The following SH3BP5 variants were observed in gnomAD, a reference collection of about 807,000 sequenced individuals.
SH3BP5 encodes SH3 domain-binding protein 5.
Under a neutral mutation model 43.3 loss-of-function variants are expected in SH3BP5, and 22 were observed. The ratio of observed to expected loss-of-function variants is 0.51; its 90% CI spans 0.36 to 0.73. SH3BP5 has a LOEUF of 0.73. Among genes scored for constraint, SH3BP5 ranks in the 30% least tolerant of loss-of-function variants. The pLI, the probability that SH3BP5 is intolerant of heterozygous loss-of-function variation, is 0.00. For synonymous variants in SH3BP5, 255 were observed against 225.8 expected (o/e 1.13, Z -1.16); for missense variants, 529 against 586.9 (o/e 0.90, Z 1.02).
At chr3:15,334,445 T>C (rs1340861070), upstream of SH3BP5, among the ~76,000 whole-genome samples, 1 of 152,020 alleles carries the variant, frequency 6.6e-6, no homozygotes, top group African/African-American at 2.4e-5. Context: ...TAAAAATACA[T>C]GGCCAGGAGT....
intron 2 of SH3BP5, among the ~76,000 whole-genome samples, chr3:15,317,945 G>T (rs1456718700): frequency 2.0e-5 from 3 of 152,152 alleles, no homozygotes; most frequent in Non-Finnish European, 4.4e-5. Context: ...AGCCTCAGTG[G>T]GGGTCTCAGA....
chr3:15,294,088 AAAAAAAAG>A (rs1177201086), intron 3 of SH3BP5, among the ~76,000 whole-genome samples: 4 of 151,612 alleles, frequency 2.6e-5, no homozygotes, highest in Non-Finnish European at 5.9e-5. Flanking sequence ...AAAAAAAAAA[AAAAAAAAG>A]AAAAGAAACA....
intron 3 of SH3BP5, among the ~76,000 whole-genome samples, chr3:15,294,094 AAG>A (rs1470829868): frequency 4.6e-5 from 7 of 151,362 alleles, no homozygotes; most frequent in Non-Finnish European, 7.4e-5. Flanking sequence ...AAAAAAAAAA[AAG>A]AAAAGAAACA....
At chr3:15,340,622 G>A (rs1698754073) in intron 1 of SH3BP5, among the ~76,000 whole-genome samples, 3 of 151,974 alleles carry the variant, frequency 2.0e-5, no homozygotes, top group Admixed American at 2.0e-4. Context: ...GTGGTGGCAG[G>A]CACCTGTAAT....
At chr3:15,322,868 G>A (rs1397903806) in intron 2 of SH3BP5, among the ~76,000 whole-genome samples, 1 of 152,046 alleles carries the variant, frequency 6.6e-6, no homozygotes, top group Non-Finnish European at 1.5e-5. Context: ...GAGGCCGGGC[G>A]CAGTAGCTCA....
rs775453920 is a variant in SH3BP5, at chr3:15,256,859, C to G, written c.1144G>C (p.Glu382Gln). The G allele has an allele frequency of 8.7e-6, 14 of 1,609,688 alleles. No individual in the cohort carries two copies. In the East Asian group the frequency reaches 2.9e-4, roughly 33 times the overall value. The change falls in exon 8 of 9, where the codon GAA becomes CAA. Residue 382 changes from glutamate to glutamine, a missense_variant. Glu to Gln is a conservative substitution (Grantham distance 29). Around this residue, in one of 3 missense-constraint regions of SH3BP5, gnomAD observed 369 missense variants for 384.3 expected, o/e 0.96. Transcript: ENST00000383791. ...SGASSPECEV[E>Q]RGDRAEGAEN... ...TGAGAAGGCTGCTACTCACCTCGTT[C>G]TACTTCACATTCAGGGGAGGAGGCC...
intron 3 of SH3BP5, among the ~76,000 whole-genome samples, chr3:15,274,072 C>T (rs980383986): frequency 4.6e-5 from 7 of 151,926 alleles, no homozygotes; most frequent in Admixed American, 1.3e-4. Flanking sequence ...GGTGAAACAC[C>T]GTCTCTACTA....
chr3:15,298,509 G>C (rs1473940880), intron 3 of SH3BP5, among the ~76,000 whole-genome samples: 1 of 152,154 alleles, frequency 6.6e-6, no homozygotes, highest in Non-Finnish European at 1.5e-5. Flanking sequence ...TGCCCATCAA[G>C]TTTGCAAAGT....
intron 3 of SH3BP5, among the ~76,000 whole-genome samples, chr3:15,287,383 C>T (rs1055808141): frequency 2.0e-5 from 3 of 152,058 alleles, no homozygotes; most frequent in East Asian, 3.8e-4. Context: ...GACAAAAAGC[C>T]GAGGGAGCGG....
intron 3 of SH3BP5, among the ~76,000 whole-genome samples, chr3:15,286,165 T>C (rs1697260127): frequency 6.6e-6 from 1 of 152,222 alleles, no homozygotes; most frequent in Non-Finnish European, 1.5e-5. Context: ...ACACAGCTAG[T>C]GGCCCCTCTG....
At chr3:15,308,475 T>A (rs1218014163) in intron 2 of SH3BP5, among the ~76,000 whole-genome samples, 1 of 152,160 alleles carries the variant, frequency 6.6e-6, no homozygotes, top group East Asian at 1.9e-4. Flanking sequence ...CTTACACACG[T>A]TGAGCAACAG....
chr3:15,305,130 AT>A (rs770900122), intron 2 of SH3BP5, among the ~76,000 whole-genome samples: 92 of 145,406 alleles, frequency 6.3e-4, no homozygotes, highest in African/African-American at 2.2e-3. Flanking sequence ...AAAAAAAAAA[AT>A]TAATTCATTA....
At chr3:15,280,667 C>A (rs140963644) in intron 3 of SH3BP5, among the ~76,000 whole-genome samples, 6 of 152,174 alleles carry the variant, frequency 3.9e-5, no homozygotes, top group African/African-American at 1.2e-4. Flanking sequence ...AAAACACACA[C>A]GCAACATGCC....
intron 2 of SH3BP5, among the ~76,000 whole-genome samples, chr3:15,317,230 A>T (rs1698207700): frequency 6.6e-6 from 1 of 152,228 alleles, no homozygotes; most frequent in Non-Finnish European, 1.5e-5. Context: ...CACAAGTCTT[A>T]GAATCAGGGC....
intron 3 of SH3BP5, among the ~76,000 whole-genome samples, chr3:15,287,683 T>G (rs1697302555): frequency 1.3e-5 from 2 of 152,150 alleles, no homozygotes; most frequent in Non-Finnish European, 2.9e-5. Flanking sequence ...AGCTAGTCAG[T>G]CTGGGAAGAA....
chr3:15,308,606 G>T (rs1697974836), intron 2 of SH3BP5, among the ~76,000 whole-genome samples: 2 of 152,116 alleles, frequency 1.3e-5, no homozygotes, highest in African/African-American at 4.8e-5. Flanking sequence ...GGTAGGGGCT[G>T]GAGCAAGGAC....
chr3:15,275,424 T>C (rs78380995), intron 3 of SH3BP5, among the ~76,000 whole-genome samples: 2,020 of 152,350 alleles, frequency 0.013, 16 homozygotes, highest in Non-Finnish European at 0.02. Context: ...GTACAACCGA[T>C]AACATTTTAC....
chr3:15,270,228 C>T (rs900831420), intron 3 of SH3BP5, among the ~76,000 whole-genome samples: 3 of 152,242 alleles, frequency 2.0e-5, no homozygotes, highest in Admixed American at 1.3e-4. Context: ...GGCCTGTCAC[C>T]TTCCCTGCCC....
chr3:15,256,459 C>G, intron 8 of SH3BP5, 156 bp from the exon 9 acceptor site: 1 of 728,910 alleles, frequency 1.4e-6, no homozygotes, highest in East Asian at 2.5e-5. Flanking sequence ...CCCACTGTTA[C>G]CTACCGTGCC....
Sources: allele counts gnomAD v4.1 joint callset (sites outside exome capture counted in the v4.1 genomes callset), GRCh38; gene constraint gnomAD v4.1.1; regional missense constraint gnomAD v4.1.1; transcripts MANE v1.5; gene names NCBI Gene and HGNC (gene_info 2026-07-23, HGNC 2026-07-21).